Variants in KDM4C observed in about 807,000 individuals in gnomAD.
KDM4C encodes the protein lysine-specific demethylase 4C.
KDM4C carries 81 observed loss-of-function variants against 129.3 expected under a neutral mutation model. The observed-to-expected ratio is 0.63, with a 90% CI of 0.52 to 0.75. The LOEUF (loss-of-function observed/expected upper bound fraction) is 0.75. Ranked by LOEUF, KDM4C falls within the 30% of genes least tolerant of loss-of-function variation. The pLI is 0.00. For synonymous variants in KDM4C, 573 were observed against 456.1 expected (o/e 1.26, Z -3.26); for missense variants, 1,457 against 1,304.0 (o/e 1.12, Z -1.81).
At chr9:7,097,909 G>A (rs370540920) in intron 17 of KDM4C, among the ~76,000 whole-genome samples, 26 of 152,144 alleles carry the variant, frequency 1.7e-4, no homozygotes, top group Non-Finnish European at 2.6e-4. Flanking sequence ...TACATTATAC[G>A]CATTAAGGGA....
intron 8 of KDM4C, among the ~76,000 whole-genome samples, chr9:6,926,848 A>C (rs1822664002): frequency 6.6e-6 from 1 of 152,192 alleles, no homozygotes; most frequent in South Asian, 2.1e-4. Context: ...GAAATCTGGC[A>C]ATTCTTGACT....
At chr9:6,819,669 A>G (rs1043628178) in intron 4 of KDM4C, among the ~76,000 whole-genome samples, 1 of 152,220 alleles carries the variant, frequency 6.6e-6, no homozygotes, top group Non-Finnish European at 1.5e-5. Flanking sequence ...AATAACTTGT[A>G]TTTACCCGCC....
intron 4 of KDM4C, among the ~76,000 whole-genome samples, chr9:6,844,454 G>A (rs1054579277): frequency 1.3e-5 from 2 of 152,118 alleles, no homozygotes; most frequent in Admixed American, 6.5e-5. Context: ...TTAGGGAACC[G>A]CCTATCATAA....
At chr9:7,060,572 C>A (rs1831506940) in intron 17 of KDM4C, among the ~76,000 whole-genome samples, 1 of 151,590 alleles carries the variant, frequency 6.6e-6, no homozygotes, top group Admixed American at 6.6e-5. Context: ...ACCTCCGCGT[C>A]CCGGGTTCAA....
intron 15 of KDM4C, among the ~76,000 whole-genome samples, chr9:7,041,422 A>G (rs1363716542): frequency 3.9e-5 from 6 of 151,984 alleles, no homozygotes; most frequent in Non-Finnish European, 8.8e-5. Flanking sequence ...CTGAGGGTCG[A>G]CTGTACTTCC....
chr9:6,795,052 T>A (rs7847729), intron 2 of KDM4C, among the ~76,000 whole-genome samples: 26,268 of 152,178 alleles, frequency 0.17, 2,399 homozygotes, highest in African/African-American at 0.22. Flanking sequence ...TGTAGACTTG[T>A]CAATATCACT....
chr9:7,070,417 A>T (rs995542129), intron 17 of KDM4C, among the ~76,000 whole-genome samples: 2 of 152,118 alleles, frequency 1.3e-5, no homozygotes, highest in African/African-American at 4.8e-5. Context: ...CTGATACTCA[A>T]CTCTTGCAAA....
intron 1 of KDM4C, among the ~76,000 whole-genome samples, chr9:6,738,477 A>T (rs1817595645): frequency 6.6e-6 from 1 of 152,080 alleles, no homozygotes; most frequent in African/African-American, 2.4e-5. Flanking sequence ...TCTGTCCCCC[A>T]AGCTGGAGGG....
chr9:6,886,338 G>A (rs62535688), intron 6 of KDM4C, among the ~76,000 whole-genome samples: 1 of 146,710 alleles, frequency 6.8e-6, no homozygotes, highest in Non-Finnish European at 1.5e-5. Flanking sequence ...TTTTTTTTTG[G>A]AGTCTCTCTC....
intron 19 of KDM4C, among the ~76,000 whole-genome samples, chr9:7,135,699 C>T (rs1367791393): frequency 6.6e-6 from 1 of 152,126 alleles, no homozygotes; most frequent in Non-Finnish European, 1.5e-5. Flanking sequence ...AGGCAAAATA[C>T]AATACCCAAG....
At chr9:7,094,261 G>C (rs1416736816) in intron 17 of KDM4C, among the ~76,000 whole-genome samples, 2 of 152,214 alleles carry the variant, frequency 1.3e-5, no homozygotes, top group African/African-American at 2.4e-5. Flanking sequence ...GCAGGGTTAG[G>C]ATTCAGGCTT....
intron 1 of KDM4C, among the ~76,000 whole-genome samples, chr9:6,790,679 A>T (rs959831162): frequency 6.7e-6 from 1 of 149,664 alleles, no homozygotes; most frequent in Middle Eastern, 3.4e-3. Flanking sequence ...AAAAAAAAAA[A>T]AAAGAGGAAA....
chr9:6,987,451 T>C (rs1199737067), intron 11 of KDM4C, among the ~76,000 whole-genome samples: 2 of 152,228 alleles, frequency 1.3e-5, no homozygotes, highest in African/African-American at 2.4e-5. Flanking sequence ...GGACTGTCTG[T>C]AGCGATTGTC....
At chr9:6,748,894 G>C (rs752899582) in intron 1 of KDM4C, 1 of 969,404 alleles carries the variant, frequency 1.0e-6, no homozygotes, top group South Asian at 1.3e-5. Flanking sequence ...ACCTGAATCT[G>C]CGATCTATTT....
At chr9:6,731,697 T>C (rs1292678422) in intron 1 of KDM4C, among the ~76,000 whole-genome samples, 1 of 152,154 alleles carries the variant, frequency 6.6e-6, no homozygotes, top group East Asian at 1.9e-4. Flanking sequence ...TTCAAAACAA[T>C]GGCCTTCCAT....
intron 8 of KDM4C, among the ~76,000 whole-genome samples, chr9:6,974,382 C>A (rs112610714): frequency 1.3e-5 from 2 of 152,302 alleles, no homozygotes; most frequent in South Asian, 2.1e-4. Context: ...TCTTTTGAGA[C>A]GGAGTCTTAC....
At chr9:6,963,390 C>G (rs1830343699) in intron 8 of KDM4C, among the ~76,000 whole-genome samples, 2 of 152,204 alleles carry the variant, frequency 1.3e-5, no homozygotes. Flanking sequence ...TAAGCACAAT[C>G]TTTGTCCTCT....
chr9:7,059,644 C>G (rs1831338638), intron 17 of KDM4C, among the ~76,000 whole-genome samples: 1 of 152,134 alleles, frequency 6.6e-6, no homozygotes, highest in Non-Finnish European at 1.5e-5. Context: ...GTGTGTCAAA[C>G]CACATAGTCT....
rs1588166945 is a variant in KDM4C at position 6,773,640 on chromosome 9, G to A, written c.-18+15437G>A. Among the ~76,000 whole-genome samples the A allele has an allele frequency of 2.0e-5, 3 of 151,948 alleles. No homozygotes were observed. In the South Asian group the frequency reaches 6.2e-4, roughly 32 times the overall value. On this transcript the variant is annotated intron_variant, in intron 1 of 21. Transcript: ENST00000381309. ...ACAAAAATTAGCTGGGTGTGTTAGCGCACGCTTATAATCCCAGCTGCTCAG... is the reference window on the plus strand; with the variant it reads ...ACAAAAATTAGCTGGGTGTGTTAGCACACGCTTATAATCCCAGCTGCTCAG...
Sources: allele counts gnomAD v4.1 joint callset (sites outside exome capture counted in the v4.1 genomes callset), GRCh38; gene constraint gnomAD v4.1.1; transcripts MANE v1.5; gene names NCBI Gene and HGNC (gene_info 2026-07-23, HGNC 2026-07-21).